Variants in ZNF771 observed in about 807,000 individuals in gnomAD.
ZNF771 encodes the protein mesenchymal stem cell protein DSC43.
In ZNF771, 10 loss-of-function variants were observed where a neutral mutation model predicts 27.6. That is an observed-to-expected ratio of 0.36 (90% CI 0.22 to 0.61). ZNF771 has a LOEUF of 0.61. ZNF771 is among the 20% of genes least tolerant of loss of function. ZNF771 has a pLI of 0.70. For synonymous variants in ZNF771, 261 were observed against 225.2 expected (o/e 1.16, Z -1.43); for missense variants, 438 against 503.7 (o/e 0.87, Z 1.25).
chr16:30,415,507 C>G (rs975670517), intron 2 of ZNF771, among the ~76,000 whole-genome samples: 1 of 151,410 alleles, frequency 6.6e-6, no homozygotes, highest in East Asian at 2.0e-4. Context: ...CTCAGCCTCC[C>G]GAGTAGCTGG....
intron 2 of ZNF771, among the ~76,000 whole-genome samples, chr16:30,410,520 AGAG>A (rs770651631): frequency 5.9e-5 from 9 of 152,282 alleles, no homozygotes; most frequent in Admixed American, 3.3e-4. Flanking sequence ...AAGGCTTCCC[AGAG>A]GAGATGATTT....
At chr16:30,416,307 T>A (rs899793849) in intron 2 of ZNF771, among the ~76,000 whole-genome samples, 1 of 151,976 alleles carries the variant, frequency 6.6e-6, no homozygotes, top group Non-Finnish European at 1.5e-5. Context: ...AATTAACATC[T>A]CCAGTCTAGG....
intron 2 of ZNF771, 127 bp downstream of exon 2, chr16:30,408,321 G>T (rs993294112): frequency 1.1e-5 from 15 of 1,345,506 alleles, no homozygotes; most frequent in Non-Finnish European, 1.3e-5. Flanking sequence ...CCTCAGGATT[G>T]GCCCATCCTT....
In ZNF771 at chr16:30,419,342, A is replaced by G. The variant is rs1302194561; in HGVS notation, c.*975A>G. The G allele has an allele frequency of 2.0e-5, 3 of 153,094 alleles. No individual in the cohort carries two copies. The highest frequency in any genetic ancestry group is 4.4e-5 in the Non-Finnish European group (3 of 68,610). The allele number at this position is 153,094 out of a possible 1,614,324, so 9.5% of individuals were successfully genotyped here. ...CTCCAGCACTTTGGGAGGCGGAGGC[A>G]GGAGGATCTCTTGAAGTCAAGAGTT... On this transcript the variant is annotated 3_prime_UTR_variant, in exon 3 of 3. Transcript: ENST00000319296.
intron 2 of ZNF771, among the ~76,000 whole-genome samples, chr16:30,415,390 T>A (rs2050128228): frequency 6.8e-6 from 1 of 147,056 alleles, no homozygotes; most frequent in South Asian, 2.2e-4. Flanking sequence ...CCCTTTTTTT[T>A]TTTTTTTTTT....
In ZNF771 at chr16:30,408,518, G is replaced by T. The variant is rs59223646; in HGVS notation, c.141+324G>T. Among the ~76,000 whole-genome samples the T allele has an allele frequency of 4.6e-5, 7 of 152,304 alleles. No individual in the cohort carries two copies. In the East Asian group the frequency reaches 1.4e-3, roughly 29 times the overall value. On this transcript the variant is annotated intron_variant, in intron 2 of 2. Coordinates refer to ENST00000319296, the MANE Select transcript of ZNF771 (RefSeq NM_001142305.2). Reference sequence around the variant, plus strand: ...TACAGGGGGATGATGAAGCCTAGAAGTGGGAACTTAACTCAGATTTAGAGG... The same window carrying T: ...TACAGGGGGATGATGAAGCCTAGAATTGGGAACTTAACTCAGATTTAGAGG...
rs951058409 is a variant in ZNF771, at chr16:30,418,114, C to G, written c.701C>G (p.Ala234Gly). Residue 234 changes from alanine (A) to glycine (G), a missense_variant, in exon 3 of 3, where the codon GCT becomes GGT. Coordinates refer to ENST00000319296, the MANE Select transcript of ZNF771 (RefSeq NM_001142305.2). ...VHTGEKPHRC[A>G]VCGRRFGHRS... is the part of the protein sequence containing the mutation. ...ACGGGCGAGAAGCCGCACCGCTGCG[C>G]TGTGTGTGGCCGTCGCTTCGGCCAC... The G allele has an allele frequency of 6.8e-7, 1 of 1,479,276 alleles. No homozygotes were observed. The highest frequency in any genetic ancestry group is 2.4e-5 in the Admixed American group (1 of 42,204). The allele number at this position is 1,479,276 out of a possible 1,614,324, so 91.6% of individuals were successfully genotyped here.
chr16:30,413,551 T>G (rs1241519446), intron 2 of ZNF771: 2 of 380,458 alleles, frequency 5.3e-6, no homozygotes, highest in African/African-American at 3.0e-5. Flanking sequence ...TTATACCTCA[T>G]GCTGGGAAAT....
chr16:30,418,254 C>T lies in ZNF771; in HGVS notation c.841C>T (p.His281Tyr). The T allele has an allele frequency of 1.3e-6, 2 of 1,514,004 alleles. No homozygotes were observed. Among genetic ancestry groups the T allele is most frequent in the Non-Finnish European group, 1.8e-6 (2 of 1,137,900 alleles). 93.8% of individuals were successfully genotyped at this position (1,514,004 alleles called of 1,614,324 possible). ...GCACTTCATTCGCCACCGACGCGCG[C>T]ACATGCGGCGCCGCCTGTATATTTG... is the stretch of plus-strand genomic sequence containing the variant. ...SSHFIRHRRA[H>Y]MRRRLYICAG... Residue 281 changes from histidine to tyrosine, a missense_variant, in exon 3 of 3, where the codon CAC becomes TAC. His to Tyr is a moderately conservative substitution (Grantham distance 83, BLOSUM62 2). Transcript: ENST00000319296.
chr16:30,417,612 G>T lies in ZNF771; in HGVS notation c.199G>T (p.Asp67Tyr). ...CCCGGCGCGTCCCCACGCGTGCCCCGACTGCGGCCGCGCCTTCGCGCGCCG... is the reference window on the plus strand; with the variant it reads ...CCCGGCGCGTCCCCACGCGTGCCCCTACTGCGGCCGCGCCTTCGCGCGCCG... ...ADPARPHACP[D>Y]CGRAFARRST... is the part of the protein sequence containing the mutation. Residue 67 changes from aspartate (D) to tyrosine (Y), a missense_variant, in exon 3 of 3, where the codon GAC becomes TAC. By Grantham distance (160) the Asp-to-Tyr change is radical (BLOSUM62 -3). This residue lies in a region of ZNF771 where 84 missense variants were observed against 89.2 expected (regional missense o/e 0.94). Transcript: ENST00000319296. The T allele has an allele frequency of 7.6e-7, 1 of 1,314,006 alleles. No homozygotes were observed. The highest frequency in any genetic ancestry group is 2.1e-5 in the South Asian group (1 of 46,676). The allele number at this position is 1,314,006 out of a possible 1,614,324, so 81.4% of individuals were successfully genotyped here.
chr16:30,407,991 G>GT (rs1369047307), intron 1 of ZNF771, 54 bp from the exon 2 acceptor site: 47 of 919,106 alleles, frequency 5.1e-5, no homozygotes, highest in East Asian at 1.5e-4. Flanking sequence ...GGTGGGCGGG[G>GT]GGGGGGGTGG....
At chr16:30,414,503 C>T (rs745928549) in intron 2 of ZNF771, 3 of 152,158 alleles carry the variant, frequency 2.0e-5, no homozygotes, top group Non-Finnish European at 2.9e-5. Flanking sequence ...CAGCTCAAGG[C>T]GGGTGACAGG....
chr16:30,418,272 T>C lies in ZNF771; in HGVS notation c.859T>C (p.Tyr287His). 1 of 1,511,312 alleles carries C rather than the reference T, an allele frequency of 6.6e-7. No homozygotes were observed. The highest frequency in any genetic ancestry group is 8.8e-7 in the Non-Finnish European group (1 of 1,136,672). 93.6% of individuals were successfully genotyped at this position (1,511,312 alleles called of 1,614,324 possible). A position where few individuals can be genotyped will look rare whatever the true frequency, so the allele number is the denominator to read the frequency against. The part of the protein sequence containing the change: ...HRRAHMRRRL[Y>H]ICAGCGRDFK... ...ACGCGCGCACATGCGGCGCCGCCTG[T>C]ATATTTGCGCCGGCTGCGGCAGGGA... Residue 287 changes from tyrosine to histidine, a missense_variant, in exon 3 of 3, where the codon TAT (tyrosine) becomes CAT (histidine). Tyr to His is a moderately conservative substitution (Grantham distance 83). Around this residue, in one of 3 missense-constraint regions of ZNF771, gnomAD observed 305 missense variants for 308.0 expected, o/e 0.99. Coordinates refer to ENST00000319296, the MANE Select transcript of ZNF771 (RefSeq NM_001142305.2).
At chr16:30,408,822 T>C (rs1377936132) in intron 2 of ZNF771, among the ~76,000 whole-genome samples, 1 of 152,056 alleles carries the variant, frequency 6.6e-6, no homozygotes, top group East Asian at 1.9e-4. Flanking sequence ...TTATTACTGT[T>C]GTTATTGTTT....
At chr16:30,416,009 A>C (rs1196596833) in intron 2 of ZNF771, among the ~76,000 whole-genome samples, 1 of 152,196 alleles carries the variant, frequency 6.6e-6, no homozygotes, top group African/African-American at 2.4e-5. Context: ...AGAGCTTGTG[A>C]AACTGGCTCA....
intron 2 of ZNF771, 46 bp downstream of exon 2, chr16:30,408,240 C>G: frequency 6.2e-7 from 1 of 1,611,994 alleles, no homozygotes; most frequent in South Asian, 1.1e-5. Flanking sequence ...CAAACCTGGT[C>G]CAGGCCCAGC....
rs544473661 is a variant in ZNF771, at chr16:30,417,578, G to A, written c.165G>A (p.Pro55=). The change falls in exon 3 of 3, where the codon CCG becomes CCA. Residue 55 remains proline (P), a synonymous_variant. Coordinates refer to ENST00000319296, the MANE Select transcript of ZNF771 (RefSeq NM_001142305.2). The part of the protein sequence containing the change: ...NKEVPGEAPA[P]SADPARPHAC... ...AGGTCCCGGGCGAGGCGCCCGCGCC[G>A]TCCGCCGACCCGGCGCGTCCCCACG... 2.2e-5 allele frequency: 27 copies of A among 1,229,156 alleles called. No homozygotes were observed. In the Admixed American group the frequency reaches 3.0e-4, roughly 14 times the overall value. The allele number at this position is 1,229,156 out of a possible 1,614,324, so 76.1% of individuals were successfully genotyped here. A position where few individuals can be genotyped will look rare whatever the true frequency, so the allele number is the denominator to read the frequency against.
At chr16:30,414,719 C>T (rs1567441290) in intron 2 of ZNF771, 1 of 151,684 alleles carries the variant, frequency 6.6e-6, no homozygotes, top group Admixed American at 6.6e-5. Context: ...TCTCCGCTCA[C>T]TGCAAGCTCC....
intron 2 of ZNF771, among the ~76,000 whole-genome samples, chr16:30,408,544 T>C (rs2050088806): frequency 6.6e-6 from 1 of 151,992 alleles, no homozygotes; most frequent in Non-Finnish European, 1.5e-5. Flanking sequence ...GATTTAGAGG[T>C]TGGGGAAAGG....
Sources: gnomAD v4.1 joint callset for allele counts (sites outside exome capture counted in the v4.1 genomes callset) on GRCh38, gnomAD v4.1.1 for gene constraint, gnomAD v4.1.1 regional missense constraint, MANE v1.5 for transcripts, NCBI Gene and HGNC (gene_info 2026-07-23, HGNC 2026-07-21) for gene names.